The following IFT43 variants were observed in gnomAD, a reference collection of about 807,000 sequenced individuals.
IFT43 encodes intraflagellar transport 43.
Under a neutral mutation model 32.3 loss-of-function variants are expected in IFT43, and 33 were observed. The observed-to-expected ratio is 1.02, with a 90% CI of 0.77 to 1.37. The LOEUF is 1.37. IFT43 is among the 40% of genes most tolerant of loss of function. IFT43 has a pLI of 0.00. For missense variants in IFT43, 274 were observed against 265.9 expected, an observed-to-expected ratio of 1.03 and a Z score of -0.21; for synonymous variants, 93 against 98.2, an observed-to-expected ratio of 0.95 and a Z score of 0.31.
intron 3 of IFT43, among the ~76,000 whole-genome samples, chr14:76,057,998 A>G (rs550401281): frequency 6.6e-6 from 1 of 152,246 alleles, no homozygotes; most frequent in South Asian, 2.1e-4. Context: ...ACCCACCCAG[A>G]CCAGCTGATT....
At chr14:76,055,804 C>T (rs2037002662) in intron 3 of IFT43, among the ~76,000 whole-genome samples, 1 of 152,190 alleles carries the variant, frequency 6.6e-6, no homozygotes, top group South Asian at 2.1e-4. Flanking sequence ...AAAACACGCT[C>T]CCCACTTTGT....
At chr14:76,062,694 AT>A (rs1470863238) in intron 5 of IFT43, among the ~76,000 whole-genome samples, 2 of 33,840 alleles carry the variant, frequency 5.9e-5, no homozygotes, top group Non-Finnish European at 1.1e-4. Flanking sequence ...AGGCTGGTGG[AT>A]TGCCTGAGGT....
intron 3 of IFT43, among the ~76,000 whole-genome samples, chr14:76,054,100 C>T (rs1305379579): frequency 6.6e-6 from 1 of 152,164 alleles, no homozygotes; most frequent in Admixed American, 6.5e-5. Flanking sequence ...CTGAATGTCT[C>T]AAGGCTTAGG....
At chr14:76,026,550 C>T (rs2036398432) in intron 3 of IFT43, among the ~76,000 whole-genome samples, 2 of 92,718 alleles carry the variant, frequency 2.2e-5, no homozygotes, top group African/African-American at 9.9e-5. Flanking sequence ...AAGAGTGAAA[C>T]TCAAAAAAAA....
intron 1 of IFT43, chr14:75,986,297 C>T: frequency 8.0e-7 from 1 of 1,255,188 alleles, no homozygotes; most frequent in Non-Finnish European, 1.0e-6. Flanking sequence ...GCAGGGACGG[C>T]CTTTCTTCCC....
intron 2 of IFT43, among the ~76,000 whole-genome samples, chr14:76,001,088 GA>G (rs2035876675): frequency 6.6e-6 from 1 of 152,150 alleles, no homozygotes; most frequent in Non-Finnish European, 1.5e-5. Context: ...GACCCTTCAT[GA>G]TCTCCAAGTG....
intron 3 of IFT43, among the ~76,000 whole-genome samples, chr14:76,053,382 C>T (rs893107250): frequency 2.0e-5 from 3 of 151,954 alleles, no homozygotes; most frequent in Non-Finnish European, 4.4e-5. Context: ...AGAGGCTAAG[C>T]GTAGGTCAGA....
intron 5 of IFT43, among the ~76,000 whole-genome samples, chr14:76,080,497 A>C (rs1318641517): frequency 6.6e-6 from 1 of 152,160 alleles, no homozygotes; most frequent in East Asian, 1.9e-4. Flanking sequence ...AAAGTTGTGG[A>C]GGGAAAGGGG....
intron 3 of IFT43, chr14:76,058,404 C>T (rs1387241914): frequency 2.1e-6 from 1 of 468,420 alleles, no homozygotes; most frequent in Non-Finnish European, 3.9e-6. Context: ...TCAACCTGCA[C>T]TTACACTCTC....
At chr14:76,051,634 T>C (rs1178198006) in intron 3 of IFT43, among the ~76,000 whole-genome samples, 1 of 152,226 alleles carries the variant, frequency 6.6e-6, no homozygotes, top group African/African-American at 2.4e-5. Context: ...TCAATGAGGT[T>C]TGGAGGCAAC....
chr14:76,053,825 C>T (rs1245344439), intron 3 of IFT43, among the ~76,000 whole-genome samples: 1 of 152,168 alleles, frequency 6.6e-6, no homozygotes, highest in Non-Finnish European at 1.5e-5. Context: ...CATCTCTAAT[C>T]GGATCTGGAT....
chr14:75,990,540 T>C (rs1271881101), intron 2 of IFT43, among the ~76,000 whole-genome samples: 1 of 152,198 alleles, frequency 6.6e-6, no homozygotes, highest in African/African-American at 2.4e-5. Context: ...GCAATTGTTA[T>C]TGCGCAGGAT....
chr14:76,059,353 A>G lies in IFT43; in HGVS notation c.275A>G (p.Asn92Ser). Reference protein sequence around the residue: ...EDFRLRPQSLNGSDYGGDIPI... With the variant: ...EDFRLRPQSLSGSDYGGDIPI... ...TTCCGCCTCAGACCACAGAGCCTGA[A>G]TGGATCAGATTATGGAGGAGGTAAG... is the stretch of plus-strand genomic sequence containing the variant. Residue 92 changes from asparagine to serine, a missense_variant, in exon 5 of 9, where the codon AAT (asparagine) becomes AGT (serine). Physicochemically the swap from Asn to Ser is conservative, Grantham distance 46 (BLOSUM62 1). Coordinates refer to ENST00000314067, the MANE Select transcript of IFT43 (RefSeq NM_001102564.3). 1 of 1,614,074 alleles carries G rather than the reference A, an allele frequency of 6.2e-7. No homozygotes were observed. The highest frequency in any genetic ancestry group is 1.7e-4 in the Middle Eastern group (1 of 6,060).
chr14:75,985,917 C>T (rs2035513059), intron 1 of IFT43, 77 bp downstream of exon 1: 5 of 1,578,008 alleles, frequency 3.2e-6, no homozygotes, highest in Non-Finnish European at 4.3e-6. Flanking sequence ...CCCGACTTCT[C>T]TGAGGCGACT....
intron 3 of IFT43, among the ~76,000 whole-genome samples, chr14:76,036,635 C>T (rs1033020379): frequency 6.6e-6 from 1 of 152,104 alleles, no homozygotes; most frequent in African/African-American, 2.4e-5. Context: ...GAACTCCTGA[C>T]CTCAGGTGAT....
intron 5 of IFT43, among the ~76,000 whole-genome samples, chr14:76,074,622 G>A (rs2037379496): frequency 6.6e-6 from 1 of 152,212 alleles, no homozygotes; most frequent in Non-Finnish European, 1.5e-5. Context: ...ACTGATTCTT[G>A]TATAACCTTC....
At position 76,044,645 on chromosome 14, in the gene IFT43, A is replaced by G. The variant is rs1017544071; in HGVS notation, c.216-13997A>G. On this transcript the variant is annotated intron_variant, in intron 3 of 8. Transcript: ENST00000314067. The stretch of plus-strand genomic sequence containing the variant: ...TGGTACCAGCCTCCATCCTGAGACC[A>G]TCCAGGAGTCCCCCCATTCATCTAT... 3.3e-5 allele frequency among the ~76,000 whole-genome samples: 5 copies of G among 152,306 alleles called. No individual in the cohort carries two copies. In the East Asian group the frequency reaches 7.7e-4, roughly 24 times the overall value.
At chr14:76,080,197 T>C (rs1198184750) in intron 5 of IFT43, among the ~76,000 whole-genome samples, 1 of 152,194 alleles carries the variant, frequency 6.6e-6, no homozygotes, top group African/African-American at 2.4e-5. Context: ...GCTGGCTCTG[T>C]CCCACTCAGG....
At chr14:76,065,694 A>G (rs2037215202) in intron 5 of IFT43, among the ~76,000 whole-genome samples, 1 of 151,808 alleles carries the variant, frequency 6.6e-6, no homozygotes, top group Non-Finnish European at 1.5e-5. Flanking sequence ...GTGTATTTTC[A>G]TTGCTGAATA....
Sources: allele counts gnomAD v4.1 joint callset (sites outside exome capture counted in the v4.1 genomes callset), GRCh38; gene constraint gnomAD v4.1.1; transcripts MANE v1.5; gene names NCBI Gene and HGNC (gene_info 2026-07-23, HGNC 2026-07-21).